The following ITGA6 variants were observed in gnomAD, a reference collection of about 807,000 sequenced individuals.
ITGA6 encodes integrin subunit alpha 6.
Under a neutral mutation model 133.6 loss-of-function variants are expected in ITGA6, and 63 were observed. The observed-to-expected ratio is 0.47, with a 90% confidence interval of 0.38 to 0.58. The LOEUF is 0.58. Among genes scored for constraint, ITGA6 ranks in the 20% least tolerant of loss-of-function variants. The pLI, the probability that ITGA6 is intolerant of heterozygous loss-of-function variation, is 0.00. For missense variants in ITGA6, 1,068 were observed against 1,309.4 expected (o/e 0.82, Z 2.85); for synonymous variants, 434 against 482.0 (o/e 0.90, Z 1.30).
chr2:172,496,784 G>T (rs1380538534), intron 23 of ITGA6, among the ~76,000 whole-genome samples: 1 of 152,168 alleles, frequency 6.6e-6, no homozygotes, highest in East Asian at 1.9e-4. Context: ...ATAGTTCCTG[G>T]TATCACAAAA....
At chr2:172,493,737 A>G (rs1336850442) in intron 23 of ITGA6, among the ~76,000 whole-genome samples, 1 of 152,180 alleles carries the variant, frequency 6.6e-6, no homozygotes, top group African/African-American at 2.4e-5. Context: ...AAGGAAAGGT[A>G]TCTCCCCGTC....
intron 1 of ITGA6, among the ~76,000 whole-genome samples, chr2:172,462,301 T>C (rs951193262): frequency 1.3e-5 from 2 of 152,142 alleles, no homozygotes; most frequent in African/African-American, 4.8e-5. Flanking sequence ...TCCTGCTTCC[T>C]CCATCCCCTG....
chr2:172,468,303 G>A (rs1349411976), intron 3 of ITGA6, among the ~76,000 whole-genome samples: 1 of 152,112 alleles, frequency 6.6e-6, no homozygotes, highest in African/African-American at 2.4e-5. Context: ...AGGTGGATTG[G>A]GCTAGATGGT....
chr2:172,442,729 T>G (rs1199755013), intron 1 of ITGA6, among the ~76,000 whole-genome samples: 2 of 152,204 alleles, frequency 1.3e-5, no homozygotes, highest in African/African-American at 2.4e-5. Flanking sequence ...GTTTGTGAGC[T>G]TGCTTTACTG....
chr2:172,430,129 G>T (rs868759691), intron 1 of ITGA6, among the ~76,000 whole-genome samples: 1 of 152,148 alleles, frequency 6.6e-6, no homozygotes, highest in Non-Finnish European at 1.5e-5. Context: ...TTTACTTTGA[G>T]CTTTAATTTC....
chr2:172,435,616 C>CTT (rs58005683), intron 1 of ITGA6, among the ~76,000 whole-genome samples: 2,132 of 82,216 alleles, frequency 0.026, 191 homozygotes, highest in African/African-American at 0.11. Flanking sequence ...AGTTTTGTTT[C>CTT]TTTTTTTTTT....
intron 24 of ITGA6, among the ~76,000 whole-genome samples, chr2:172,499,372 A>ATT (rs11419012): frequency 2.6e-5 from 4 of 151,316 alleles, no homozygotes; most frequent in African/African-American, 4.9e-5. Context: ...AGAAAAAAAA[A>ATT]TTTTTTTTGA....
At chr2:172,502,439 A>T (rs1687388102) in intron 25 of ITGA6, among the ~76,000 whole-genome samples, 1 of 152,146 alleles carries the variant, frequency 6.6e-6, no homozygotes, top group Non-Finnish European at 1.5e-5. Flanking sequence ...GAAGGCTTGG[A>T]ATGCTTTTTA....
At chr2:172,442,447 G>C (rs1052576549) in intron 1 of ITGA6, among the ~76,000 whole-genome samples, 12 of 152,198 alleles carry the variant, frequency 7.9e-5, no homozygotes, top group African/African-American at 2.9e-4. Context: ...CGAAGGGTGA[G>C]GAGTTCTTGT....
intron 25 of ITGA6, 190 bp from the exon 26 acceptor site, chr2:172,503,901 C>T (rs1687451297): frequency 5.0e-6 from 2 of 403,582 alleles, no homozygotes; most frequent in Admixed American, 4.3e-5. Flanking sequence ...TACAGCTGTT[C>T]TCTTCCGTTG....
At chr2:172,498,604 A>G (rs150972083) in intron 24 of ITGA6, among the ~76,000 whole-genome samples, 2 of 152,228 alleles carry the variant, frequency 1.3e-5, no homozygotes, top group Non-Finnish European at 2.9e-5. Context: ...TGTATCAAAC[A>G]TAAGGAAGGT....
intron 1 of ITGA6, among the ~76,000 whole-genome samples, chr2:172,434,348 C>G (rs1276264603): frequency 6.6e-6 from 1 of 152,190 alleles, no homozygotes; most frequent in Non-Finnish European, 1.5e-5. Flanking sequence ...TCCCTGTCAA[C>G]TAATAACAGG....
intron 10 of ITGA6, 92 bp downstream of exon 10, chr2:172,479,831 G>A: frequency 7.9e-7 from 1 of 1,273,726 alleles, no homozygotes; most frequent in Middle Eastern, 1.8e-4. Flanking sequence ...CAGGGAAGAT[G>A]ACAGGAGTGC....
At chr2:172,496,871 A>G (rs572855362) in intron 23 of ITGA6, among the ~76,000 whole-genome samples, 1 of 152,324 alleles carries the variant, frequency 6.6e-6, no homozygotes, top group South Asian at 2.1e-4. Context: ...CTGAGTAAAC[A>G]CCATTTCTAT....
intron 1 of ITGA6, among the ~76,000 whole-genome samples, chr2:172,448,761 C>T (rs1034780219): frequency 2.0e-5 from 3 of 152,200 alleles, no homozygotes; most frequent in African/African-American, 7.2e-5. Context: ...TTTTAGCTCA[C>T]ACTTGCCCAA....
At chr2:172,463,922 G>C (rs1685537965) in intron 1 of ITGA6, among the ~76,000 whole-genome samples, 1 of 152,216 alleles carries the variant, frequency 6.6e-6, no homozygotes, top group Non-Finnish European at 1.5e-5. Context: ...CAGACCTGTG[G>C]GGACCCTTGT....
chr2:172,495,060 T>C (rs1687074416), intron 23 of ITGA6, among the ~76,000 whole-genome samples: 2 of 152,210 alleles, frequency 1.3e-5, no homozygotes, highest in African/African-American at 4.8e-5. Flanking sequence ...GATAATTTTG[T>C]AAAAGATACG....
At position 172,474,063 on chromosome 2, in the gene ITGA6, T is replaced by C. The variant is rs1405992801; in HGVS notation, c.784T>C (p.Leu262=). The C allele has an allele frequency of 6.2e-7, 1 of 1,612,546 alleles. No individual in the cohort carries two copies. The highest frequency in any genetic ancestry group is 2.2e-5 in the East Asian group (1 of 44,900). The change falls in exon 6 of 26, where the codon TTG becomes CTG. Residue 262 remains leucine (L), a synonymous_variant. Coordinates refer to ENST00000684293, the MANE Select transcript of ITGA6 (RefSeq NM_000210.4). ...VPANSYLGFS[L]DSGKGIVSKD... ...ATATTTTGTTTTTCTAGGTTTTTCT[T>C]TGGACTCAGGGAAAGGTATTGTTTC...
intron 1 of ITGA6, among the ~76,000 whole-genome samples, chr2:172,449,353 G>A (rs7607084): frequency 0.015 from 2,298 of 152,228 alleles, 58 homozygotes; most frequent in African/African-American, 0.053. Flanking sequence ...CTTTTTTGGC[G>A]AAGAAAAATA....
Sources: allele counts gnomAD v4.1 joint callset (sites outside exome capture counted in the v4.1 genomes callset), GRCh38; gene constraint gnomAD v4.1.1; transcripts MANE v1.5; gene names NCBI Gene and HGNC (gene_info 2026-07-23, HGNC 2026-07-21).